FNBP1L: variants seen among roughly 807,000 people sequenced by gnomAD.
The protein encoded by FNBP1L is formin-binding protein 1-like.
A neutral mutation model predicts 91.2 loss-of-function variants in FNBP1L; 36 were observed. The ratio of observed to expected loss-of-function variants is 0.39; its 90% CI spans 0.30 to 0.52. The LOEUF is 0.52. Among genes scored for constraint, FNBP1L ranks in the 20% least tolerant of loss-of-function variants. The probability of loss-of-function intolerance (pLI) is 0.66; values close to 1 mark genes in which losing one functional copy is unlikely to be tolerated. For missense variants in FNBP1L, 571 were observed against 732.1 expected (o/e 0.78, Z 2.54); for synonymous variants, 242 against 237.0 (o/e 1.02, Z -0.19).
At chr1:93,546,759 G>A in intron 12 of FNBP1L, 83 bp from the exon 13 acceptor site, 12 of 1,430,604 alleles carry the variant, frequency 8.4e-6, no homozygotes, top group Non-Finnish European at 1.1e-5. Flanking sequence ...AGCTGCGTAC[G>A]AGTCCCCAGA....
intron 15 of FNBP1L, among the ~76,000 whole-genome samples, chr1:93,549,822 A>G (rs546558398): frequency 2.6e-5 from 4 of 152,260 alleles, no homozygotes; most frequent in Admixed American, 6.5e-5. Flanking sequence ...TACTAACATT[A>G]AGAGACAGGT....
chr1:93,494,476 T>C (rs72961386), intron 1 of FNBP1L, among the ~76,000 whole-genome samples: 4,277 of 152,184 alleles, frequency 0.028, 187 homozygotes, highest in African/African-American at 0.095. Flanking sequence ...TCCCAGGAGG[T>C]TTGGGGGTGG....
In FNBP1L at chr1:93,451,066, T is replaced by C. The variant is rs142038903; in HGVS notation, c.24+2761T>C. 4.3e-4 allele frequency among the ~76,000 whole-genome samples: 65 copies of C among 152,340 alleles called. 1 individual carries two copies. In the South Asian group the frequency reaches 5.0e-3, roughly 12 times the overall value. On this transcript the variant is annotated intron_variant, in intron 1 of 16. Transcript: ENST00000271234. ...ATGAGTAAATAAGTTAGTGAATATATACTACAGTCACAGTTTTGCATTGTA... is the reference window on the plus strand; with the variant it reads ...ATGAGTAAATAAGTTAGTGAATATACACTACAGTCACAGTTTTGCATTGTA...
intron 1 of FNBP1L, among the ~76,000 whole-genome samples, chr1:93,473,522 T>C (rs948615595): frequency 2.0e-5 from 3 of 152,180 alleles, no homozygotes; most frequent in African/African-American, 7.2e-5. Context: ...ATTAATCCTC[T>C]AGTGGGGGTC....
intron 1 of FNBP1L, among the ~76,000 whole-genome samples, chr1:93,456,899 C>A (rs560468794): frequency 6.6e-6 from 1 of 151,908 alleles, no homozygotes; most frequent in Non-Finnish European, 1.5e-5. Flanking sequence ...TCTTTCTTAT[C>A]TTTTTTGAGA....
intron 1 of FNBP1L, among the ~76,000 whole-genome samples, chr1:93,463,577 A>G (rs1277527466): frequency 6.6e-6 from 1 of 152,068 alleles, no homozygotes; most frequent in Admixed American, 6.6e-5. Flanking sequence ...CTATCTTTCT[A>G]GCCTCCTTCC....
chr1:93,493,793 ATGC>A (rs1307123254), intron 1 of FNBP1L, among the ~76,000 whole-genome samples: 1 of 152,130 alleles, frequency 6.6e-6, no homozygotes, highest in African/African-American at 2.4e-5. Context: ...TGCTTCCATA[ATGC>A]TGCTATGATA....
Position 93,529,761 on chromosome 1 carries a change from GA to G in FNBP1L, c.510+8del, listed in dbSNP as rs1671615094. 1 of 1,470,602 alleles carries G rather than the reference GA, an allele frequency of 6.8e-7. No individual in the cohort carries two copies. The highest frequency in any genetic ancestry group is 1.4e-5 in the African/African-American group (1 of 69,234). 91.1% of individuals were successfully genotyped at this position (1,470,602 alleles called of 1,614,324 possible). On this transcript the variant is annotated splice_donor_region_variant and intron_variant, in intron 6 of 16. Transcript: ENST00000271234. ...ACCAAGGCAGATGTTGAAAAGGTAAGAAATACTCCAAACCAACTTTAATGTC... is the reference window on the plus strand; with the variant it reads ...ACCAAGGCAGATGTTGAAAAGGTAAGAATACTCCAAACCAACTTTAATGTC...
At chr1:93,481,644 G>T (rs1330282454) in intron 1 of FNBP1L, among the ~76,000 whole-genome samples, 4 of 152,132 alleles carry the variant, frequency 2.6e-5, no homozygotes, top group African/African-American at 9.7e-5. Context: ...TCTGAGCTTG[G>T]AATACAAGAG....
chr1:93,448,240 C>T lies in FNBP1L; in HGVS notation c.-42C>T. The stretch of plus-strand genomic sequence containing the variant: ...TCGGACAGACTGTGGAGCCGACAGA[C>T]TGAAGGACAGCGGCACCGCCAGACG... On this transcript the variant is annotated 5_prime_UTR_variant, in exon 1 of 17. Transcript: ENST00000271234. The T allele has an allele frequency of 6.6e-7, 1 of 1,521,338 alleles. No individual in the cohort carries two copies. The highest frequency in any genetic ancestry group is 8.8e-7 in the Non-Finnish European group (1 of 1,134,230). 94.2% of individuals were successfully genotyped at this position (1,521,338 alleles called of 1,614,324 possible). A position where few individuals can be genotyped will look rare whatever the true frequency, so the allele number is the denominator to read the frequency against.
rs1234724361 is a variant in FNBP1L at position 93,510,052 on chromosome 1, C to T, written c.140+10469C>T. On this transcript the variant is annotated intron_variant, in intron 2 of 16. Transcript: ENST00000271234. ...GCTGGGGGAGGGGCGCCCGCCATTG[C>T]CCAGGCTTGCTTAGGTAAACAAAGC... Among the ~76,000 whole-genome samples the T allele has an allele frequency of 4.6e-5, 7 of 152,318 alleles. No individual in the cohort carries two copies. In the South Asian group the frequency reaches 1.5e-3, roughly 32 times the overall value.
intron 1 of FNBP1L, among the ~76,000 whole-genome samples, chr1:93,489,427 C>T (rs1468446848): frequency 6.6e-6 from 1 of 151,794 alleles, no homozygotes; most frequent in Non-Finnish European, 1.5e-5. Flanking sequence ...AAATTTATTG[C>T]AGGGAAGTGG....
intron 2 of FNBP1L, among the ~76,000 whole-genome samples, chr1:93,500,474 G>A (rs1670409188): frequency 6.6e-6 from 1 of 151,450 alleles, no homozygotes; most frequent in Non-Finnish European, 1.5e-5. Context: ...GAGGGAAAGA[G>A]GAAGTGGGGG....
intron 11 of FNBP1L, 23 bp from the exon 12 acceptor site, chr1:93,544,084 A>G: frequency 6.5e-7 from 1 of 1,530,208 alleles, no homozygotes; most frequent in Non-Finnish European, 8.9e-7. Flanking sequence ...TGTCTATTAT[A>G]ATGATTTAGA....
intron 1 of FNBP1L, among the ~76,000 whole-genome samples, chr1:93,474,641 A>G (rs1410843116): frequency 6.6e-6 from 1 of 152,220 alleles, no homozygotes; most frequent in Admixed American, 6.5e-5. Context: ...TGGAGAGTAT[A>G]TATTTTAAAA....
intron 5 of FNBP1L, among the ~76,000 whole-genome samples, chr1:93,529,384 G>A (rs888660417): frequency 2.0e-5 from 3 of 151,898 alleles, no homozygotes; most frequent in Non-Finnish European, 2.9e-5. Context: ...TACTTAGTGC[G>A]CAGTTCATTT....
chr1:93,502,523 A>G (rs943759143), intron 2 of FNBP1L, among the ~76,000 whole-genome samples: 1 of 152,168 alleles, frequency 6.6e-6, no homozygotes, highest in African/African-American at 2.4e-5. Context: ...CAAATGGCAG[A>G]CTTGTTTGCC....
At chr1:93,505,739 G>A (rs1670588259) in intron 2 of FNBP1L, among the ~76,000 whole-genome samples, 1 of 152,174 alleles carries the variant, frequency 6.6e-6, no homozygotes, top group Non-Finnish European at 1.5e-5. Context: ...AGATGGGGAG[G>A]AAAGTCTTTG....
chr1:93,515,179 G>A (rs1004650894), intron 2 of FNBP1L, among the ~76,000 whole-genome samples: 6 of 152,154 alleles, frequency 3.9e-5, no homozygotes, highest in Admixed American at 1.3e-4. Flanking sequence ...CGCCATCACT[G>A]GCCATCAGAG....
Sources: gnomAD v4.1 joint callset for allele counts (sites outside exome capture counted in the v4.1 genomes callset) on GRCh38, gnomAD v4.1.1 for gene constraint, MANE v1.5 for transcripts, NCBI Gene and HGNC (gene_info 2026-07-23, HGNC 2026-07-21) for gene names.